FAM163B: variants seen among roughly 807,000 people sequenced by gnomAD.
FAM163B encodes the protein family with sequence similarity 163 member B, also known as protein FAM163B.
FAM163B carries 4 observed loss-of-function variants against 7.6 expected under a neutral mutation model. That is an observed-to-expected ratio of 0.52 (90% confidence interval 0.26 to 1.20). The LOEUF (loss-of-function observed/expected upper bound fraction) is 1.20. FAM163B is among the 50% of genes most tolerant of loss of function. FAM163B has a pLI of 0.14. For missense variants in FAM163B, 250 were observed against 243.0 expected (o/e 1.03, Z -0.19); for synonymous variants, 120 against 111.6 (o/e 1.07, Z -0.47).
chr9:133,603,388 G>A (rs548413116), intron 1 of FAM163B, among the ~76,000 whole-genome samples: 6 of 152,328 alleles, frequency 3.9e-5, no homozygotes, highest in Admixed American at 1.3e-4. Flanking sequence ...GGTAGGAACC[G>A]CAGAGGGTCT....
chr9:133,581,355 T>C lies in FAM163B; in HGVS notation c.-23-1109A>G, dbSNP rs987500295. ...AGCTGGCGCCACTTCCCTTCCTCAA[T>C]TTCCCAAGCCTCATTTTTATTTTTT... On this transcript the variant is annotated intron_variant, in intron 1 of 2. Transcript: ENST00000673969. Among the ~76,000 whole-genome samples the C allele has an allele frequency of 3.1e-4, 47 of 152,344 alleles. 1 individual carries two copies. The highest frequency in any genetic ancestry group is 1.1e-3 in the Admixed American group (17 of 15,300).
In FAM163B at chr9:133,601,062, G is replaced by C. The variant is rs1294666250; in HGVS notation, c.-24+8015C>G. 6.6e-6 allele frequency among the ~76,000 whole-genome samples: 1 copy of C among 152,168 alleles called. No individual in the cohort carries two copies. The highest frequency in any genetic ancestry group is 1.5e-5 in the Non-Finnish European group (1 of 68,020). ...CCCGCCTGCAAGCTCTCTGGGAGCA[G>C]GGCCTCAGAGGGCAGCAGAGCCTGT... On this transcript the variant is annotated intron_variant, in intron 1 of 2. Transcript: ENST00000673969. The surrounding 1 kb of genome is among the most constrained non-coding windows in gnomAD (Gnocchi z 4.1).
chr9:133,588,775 G>A (rs1040767935), intron 1 of FAM163B, among the ~76,000 whole-genome samples: 3 of 85,528 alleles, frequency 3.5e-5, no homozygotes, highest in Non-Finnish European at 5.0e-5. Flanking sequence ...ACCTTGCCCA[G>A]GGTCACCGGG....
intron 1 of FAM163B, among the ~76,000 whole-genome samples, chr9:133,604,488 C>A (rs1175935821): frequency 6.6e-6 from 1 of 152,124 alleles, no homozygotes; most frequent in Non-Finnish European, 1.5e-5. Flanking sequence ...TGTAAAAAAC[C>A]AGCCAACCAA....
intron 2 of FAM163B, among the ~76,000 whole-genome samples, chr9:133,579,843 G>A (rs1408005509): frequency 6.6e-6 from 1 of 152,204 alleles, no homozygotes; most frequent in Non-Finnish European, 1.5e-5. Flanking sequence ...GAGTGCAGGT[G>A]GGAAGGATTG....
intron 1 of FAM163B, among the ~76,000 whole-genome samples, chr9:133,592,806 C>T (rs1404749813): frequency 6.6e-6 from 1 of 152,108 alleles, no homozygotes; most frequent in African/African-American, 2.4e-5. Context: ...GGGTGAGGTC[C>T]AGCAAGCCCC....
At chr9:133,587,573 TG>T (rs1831459791) in intron 1 of FAM163B, among the ~76,000 whole-genome samples, 1 of 152,052 alleles carries the variant, frequency 6.6e-6, no homozygotes, top group Non-Finnish European at 1.5e-5. Context: ...TCTGACCCAG[TG>T]GGCAGGGTCT....
intron 1 of FAM163B, among the ~76,000 whole-genome samples, chr9:133,587,344 T>C (rs1831454460): frequency 6.6e-6 from 1 of 152,164 alleles, no homozygotes; most frequent in Admixed American, 6.5e-5. Context: ...AGGCTGTGGA[T>C]GGCTGGGAAG....
At chr9:133,608,360 G>C (rs1831814350) in intron 1 of FAM163B, among the ~76,000 whole-genome samples, 2 of 152,246 alleles carry the variant, frequency 1.3e-5, no homozygotes. Context: ...AGACAGTGGA[G>C]CCCTGAGGAC....
At chr9:133,583,137 C>T (rs1392552760) in intron 1 of FAM163B, among the ~76,000 whole-genome samples, 2 of 152,146 alleles carry the variant, frequency 1.3e-5, no homozygotes, top group South Asian at 2.1e-4. Flanking sequence ...GGCTCGTGCC[C>T]GAGTGTTGTC....
rs370022577 is a variant in FAM163B at position 133,579,457 on chromosome 9, G to A, written c.94-28C>T. The A allele has an allele frequency of 7.5e-4, 1,165 of 1,543,888 alleles. 6 individuals carry two copies. In the African/African-American group the frequency reaches 0.014, roughly 18 times the overall value. The stretch of plus-strand genomic sequence containing the variant: ...GCGGGCAGAGGGACGGTGACCATGC[G>A]GCCGCCCGCTCCCACCCCAGAACCG... On this transcript the variant is annotated intron_variant, in intron 2 of 2. Coordinates refer to ENST00000673969, the MANE Select transcript of FAM163B (RefSeq NM_001080515.3).
Sources: gnomAD v4.1 joint callset for allele counts (sites outside exome capture counted in the v4.1 genomes callset) on GRCh38, gnomAD v4.1.1 for gene constraint, Gnocchi (gnomAD v3.1) non-coding constraint, MANE v1.5 for transcripts, NCBI Gene and HGNC (gene_info 2026-07-23, HGNC 2026-07-21) for gene names.